ADAMTS17: variants seen among roughly 807,000 people sequenced by gnomAD.
ADAMTS17 encodes the protein ADAM metallopeptidase with thrombospondin type 1 motif 17.
Under a neutral mutation model 141.5 loss-of-function variants are expected in ADAMTS17, and 113 were observed. That is an observed-to-expected ratio of 0.80 (90% CI 0.69 to 0.93). ADAMTS17 has a LOEUF of 0.93. Among genes scored for constraint, ADAMTS17 ranks in the 40% least tolerant of loss-of-function variants. The pLI is 0.00. For synonymous variants in ADAMTS17, 768 were observed against 630.6 expected (o/e 1.22, Z -3.27); for missense variants, 1,659 against 1,517.9 (o/e 1.09, Z -1.54).
chr15:100,317,510 A>T (rs2045602432), intron 3 of ADAMTS17, among the ~76,000 whole-genome samples: 1 of 151,788 alleles, frequency 6.6e-6, no homozygotes, highest in African/African-American at 2.4e-5. Flanking sequence ...CGCTCAGCTG[A>T]CCCCTAACAT....
chr15:100,155,379 T>C, intron 8 of ADAMTS17, 59 bp from the exon 9 acceptor site: 1 of 1,583,728 alleles, frequency 6.3e-7, no homozygotes, highest in Non-Finnish European at 8.6e-7. Context: ...TTCCAGTTCC[T>C]GGTGCTAGCG....
intron 18 of ADAMTS17, among the ~76,000 whole-genome samples, chr15:100,026,558 G>A (rs1256497215): frequency 6.6e-6 from 1 of 152,042 alleles, no homozygotes; most frequent in East Asian, 1.9e-4. Flanking sequence ...ACCATAAATT[G>A]TGCTCTTAGG....
At chr15:100,270,448 C>A (rs2043866348) in intron 4 of ADAMTS17, among the ~76,000 whole-genome samples, 1 of 152,074 alleles carries the variant, frequency 6.6e-6, no homozygotes, top group Non-Finnish European at 1.5e-5. Flanking sequence ...TACACCATAT[C>A]CGTGGGATGT....
At chr15:100,133,079 C>T in intron 11 of ADAMTS17, 135 bp downstream of exon 11, 1 of 782,116 alleles carries the variant, frequency 1.3e-6, no homozygotes, top group Non-Finnish European at 2.1e-6. Flanking sequence ...GAGTGGCCTC[C>T]ATGGGCATTT....
chr15:100,040,373 A>T (rs75885585), intron 18 of ADAMTS17, among the ~76,000 whole-genome samples: 7,032 of 152,234 alleles, frequency 0.046, 334 homozygotes, highest in African/African-American at 0.12. Context: ...ATCGCTTTGT[A>T]ATCTTTTTTG....
intron 15 of ADAMTS17, among the ~76,000 whole-genome samples, chr15:100,084,028 C>A (rs1264408521): frequency 6.6e-6 from 1 of 151,954 alleles, no homozygotes; most frequent in Non-Finnish European, 1.5e-5. Context: ...CGTGAGTGAG[C>A]CGAAGCAGGG....
chr15:100,158,465 C>T (rs1040728368), intron 8 of ADAMTS17, among the ~76,000 whole-genome samples: 1 of 152,192 alleles, frequency 6.6e-6, no homozygotes, highest in Non-Finnish European at 1.5e-5. Flanking sequence ...AAACACTTCA[C>T]ATGAGAGCTG....
At chr15:100,237,486 G>A (rs1055726895) in intron 7 of ADAMTS17, among the ~76,000 whole-genome samples, 3 of 152,218 alleles carry the variant, frequency 2.0e-5, no homozygotes, top group East Asian at 1.9e-4. Flanking sequence ...CCTGGGGCAG[G>A]CTGAGCAGAC....
Position 100,118,820 on chromosome 15 carries a change from C to T in ADAMTS17, c.1722-1807G>A, listed in dbSNP as rs139934882. Among the ~76,000 whole-genome samples, 564 of 152,246 alleles carry T rather than the reference C, an allele frequency of 3.7e-3. 2 individuals carry two copies. The highest frequency in any genetic ancestry group is 5.9e-3 in the Non-Finnish European group (404 of 68,014). Reference sequence around the variant, plus strand: ...CCACGAGCGGGCACCGGAGAAGGAACGAGTGAGGCAGCAGATGCAGCATGG... The same window carrying T: ...CCACGAGCGGGCACCGGAGAAGGAATGAGTGAGGCAGCAGATGCAGCATGG... On this transcript the variant is annotated intron_variant, in intron 12 of 21. Transcript: ENST00000268070.
intron 2 of ADAMTS17, among the ~76,000 whole-genome samples, chr15:100,334,124 T>G (rs78798963): frequency 0.02 from 3,014 of 152,246 alleles, 110 homozygotes; most frequent in African/African-American, 0.068. Flanking sequence ...GACAGAGTTG[T>G]AAATCAGGCA....
intron 7 of ADAMTS17, among the ~76,000 whole-genome samples, chr15:100,231,522 G>T (rs2042481017): frequency 1.3e-5 from 2 of 152,188 alleles, no homozygotes; most frequent in South Asian, 4.1e-4. Context: ...GCCAGTTACT[G>T]ATGGTGATCT....
At chr15:100,323,548 T>A (rs1233652430) in intron 3 of ADAMTS17, among the ~76,000 whole-genome samples, 4 of 152,130 alleles carry the variant, frequency 2.6e-5, no homozygotes, top group African/African-American at 9.7e-5. Context: ...TAGTAAAATT[T>A]ACTGAGCTAG....
intron 18 of ADAMTS17, among the ~76,000 whole-genome samples, chr15:100,001,994 C>CAAAAAAAAAAAAAAAAAA (rs71151931): frequency 3.4e-5 from 2 of 58,372 alleles, no homozygotes; most frequent in Admixed American, 2.7e-4. Context: ...AGGCCAAACC[C>CAAAAAAAAAAAAAAAAAA]AAAAAAAAAA....
At chr15:100,150,220 A>T (rs538933030) in intron 10 of ADAMTS17, among the ~76,000 whole-genome samples, 1 of 152,310 alleles carries the variant, frequency 6.6e-6, no homozygotes, top group South Asian at 2.1e-4. Flanking sequence ...AGGAGTCACA[A>T]AGCTGAGGGA....
intron 14 of ADAMTS17, among the ~76,000 whole-genome samples, chr15:100,098,741 C>T (rs145245380): frequency 2.4e-3 from 362 of 152,248 alleles, no homozygotes; most frequent in Non-Finnish European, 4.4e-3. Flanking sequence ...GTTTAGCAAA[C>T]GCCGAGACCA....
At position 99,974,386 on chromosome 15, in the gene ADAMTS17, C is replaced by T; in HGVS notation, c.*16G>A. 1 of 1,614,028 alleles carries T rather than the reference C, an allele frequency of 6.2e-7. No homozygotes were observed. Among genetic ancestry groups the T allele is most frequent in the Non-Finnish European group, 8.5e-7 (1 of 1,180,004 alleles). On this transcript the variant is annotated 3_prime_UTR_variant, in exon 22 of 22. Transcript: ENST00000268070. ...AGACCTGAGTCTGAGCTTTGAGCGA[C>T]CCTTGGGACTGCGTGTCACGAGTTC...
intron 14 of ADAMTS17, among the ~76,000 whole-genome samples, chr15:100,108,494 G>GT (rs1473623667): frequency 6.6e-6 from 1 of 152,100 alleles, no homozygotes; most frequent in African/African-American, 2.4e-5. Flanking sequence ...CACTTAAATG[G>GT]TTTTTATCAC....
intron 2 of ADAMTS17, among the ~76,000 whole-genome samples, chr15:100,335,543 T>C (rs574030782): frequency 6.6e-6 from 1 of 152,330 alleles, no homozygotes; most frequent in African/African-American, 2.4e-5. Flanking sequence ...TCTCTGAGCC[T>C]TGCTGGGCGC....
chr15:100,287,993 G>A (rs2044501704), intron 3 of ADAMTS17, among the ~76,000 whole-genome samples: 1 of 152,016 alleles, frequency 6.6e-6, no homozygotes, highest in African/African-American at 2.4e-5. Context: ...ATGACAGGAA[G>A]AAATCTGTAT....
Sources: gnomAD v4.1 joint callset for allele counts (sites outside exome capture counted in the v4.1 genomes callset) on GRCh38, gnomAD v4.1.1 for gene constraint, MANE v1.5 for transcripts, NCBI Gene and HGNC (gene_info 2026-07-23, HGNC 2026-07-21) for gene names.